The following IGSF10 variants were observed in gnomAD, a reference collection of about 807,000 sequenced individuals.
IGSF10 encodes calvaria mechanical force protein 608.
Under a neutral mutation model 128.2 loss-of-function variants are expected in IGSF10, and 126 were observed. That is an observed-to-expected ratio of 0.98 (90% CI 0.85 to 1.14). The LOEUF (loss-of-function observed/expected upper bound fraction) is 1.14. Among genes scored for constraint, IGSF10 ranks in the 50% most tolerant of loss-of-function variants. The pLI is 0.00. For missense variants in IGSF10, 3,295 were observed against 3,149.8 expected, an observed-to-expected ratio of 1.05 and a Z score of -1.10; for synonymous variants, 1,185 against 1,146.2, an observed-to-expected ratio of 1.03 and a Z score of -0.68.
the IGSF10 span, among the ~76,000 whole-genome samples, chr3:151,514,569 T>C: frequency 6.6e-6 from 1 of 152,206 alleles, no homozygotes; most frequent in East Asian, 1.9e-4. Context: ...AAGAACTTCA[T>C]GTCTAAAACA....
the IGSF10 span, among the ~76,000 whole-genome samples, chr3:151,619,684 C>G: frequency 2.0e-5 from 3 of 152,032 alleles, no homozygotes; most frequent in African/African-American, 4.8e-5. Flanking sequence ...TTGTTAGAGG[C>G]TTGATCCCCA....
At chr3:151,444,821 A>T in intron 6 of IGSF10, 98 bp downstream of exon 6, 3 of 1,164,844 alleles carry the variant, frequency 2.6e-6, no homozygotes, top group Non-Finnish European at 3.6e-6. Flanking sequence ...GAAAAATTTG[A>T]AACTGATACT....
Position 151,461,052 on chromosome 3 carries a change from G to GGGAA in IGSF10, c.-199_-196dup, listed in dbSNP as rs1227688862. The stretch of plus-strand genomic sequence containing the variant: ...GCGGAGCTGGTCCGGAGCTCTGGGA[G>GGGAA]GGAAGGAAGGAAGGCGGAGCGAGGG... On this transcript the variant is annotated 5_prime_UTR_variant, in exon 1 of 8. Coordinates refer to ENST00000282466, the MANE Select transcript of IGSF10 (RefSeq NM_178822.5). The GGGAA allele has an allele frequency of 4.1e-6, 4 of 985,252 alleles. No homozygotes were observed. Among genetic ancestry groups the GGGAA allele is most frequent in the South Asian group, 9.4e-5 (2 of 21,284 alleles). The allele number at this position is 985,252 out of a possible 1,614,324, so 61.0% of individuals were successfully genotyped here.
At chr3:151,596,125 T>C in the IGSF10 span, among the ~76,000 whole-genome samples, 7 of 152,178 alleles carry the variant, frequency 4.6e-5, no homozygotes, top group Non-Finnish European at 8.8e-5. Flanking sequence ...CCAAATGTGG[T>C]CATATGAATG....
chr3:151,445,743 C>A lies in IGSF10; in HGVS notation c.4238G>T (p.Arg1413Ile). 1 of 1,614,034 alleles carries A rather than the reference C, an allele frequency of 6.2e-7. No homozygotes were observed. The highest frequency in any genetic ancestry group is 8.5e-7 in the Non-Finnish European group (1 of 1,180,042). ...AATCACATCTGTCAGATTAAGAGTT[C>A]TTGAATGAAAACTGATTGTGCTTGA... ...GISSTISFHS[R>I]TLNLTDVIEE... Residue 1413 changes from arginine (R) to isoleucine (I), a missense_variant, in exon 6 of 8, where the codon AGA becomes ATA. Coordinates refer to ENST00000282466, the MANE Select transcript of IGSF10 (RefSeq NM_178822.5).
chr3:151,454,184 AT>A (rs1360481474), intron 4 of IGSF10, among the ~76,000 whole-genome samples: 7 of 151,830 alleles, frequency 4.6e-5, no homozygotes, highest in African/African-American at 1.7e-4. Context: ...TGCCCAGCTA[AT>A]TTTTGTAGTT....
At chr3:151,450,895 CAAAAAAAA>C (rs35070766) in intron 5 of IGSF10, among the ~76,000 whole-genome samples, 4 of 55,424 alleles carry the variant, frequency 7.2e-5, no homozygotes, top group African/African-American at 3.2e-4. Flanking sequence ...AACTCTGTCT[CAAAAAAAA>C]AAAAAAAAAA....
the IGSF10 span, among the ~76,000 whole-genome samples, chr3:151,551,964 T>C: frequency 6.6e-6 from 1 of 152,260 alleles, no homozygotes; most frequent in South Asian, 2.1e-4. Context: ...TCATAATCAC[T>C]CACTGCATGA....
rs868743591 is a variant in IGSF10, at chr3:151,446,841, G to A, written c.3140C>T (p.Ser1047Phe). ...TGAGAATGCAGTAGTGCTTTTTTCA[G>A]AAGAACCTCTGGTTGTTGACCTGAA... ...SIFRSTTRGS[S>F]EKSTTAFSAT... is the part of the protein sequence containing the mutation. The change falls in exon 6 of 8, where the codon TCT becomes TTT. Residue 1047 changes from serine to phenylalanine, a missense_variant. Transcript: ENST00000282466. 3.7e-6 allele frequency: 6 copies of A among 1,614,148 alleles called. No individual in the cohort carries two copies. Among genetic ancestry groups the A allele is most frequent in the Middle Eastern group, 1.6e-4 (1 of 6,062 alleles).
the IGSF10 span, among the ~76,000 whole-genome samples, chr3:151,514,613 T>A: frequency 4.6e-5 from 7 of 152,026 alleles, no homozygotes; most frequent in African/African-American, 9.7e-5. Flanking sequence ...CAAAATTGAC[T>A]AATGGGATCT....
At chr3:151,541,035 T>G in the IGSF10 span, among the ~76,000 whole-genome samples, 1 of 152,112 alleles carries the variant, frequency 6.6e-6, no homozygotes, top group East Asian at 1.9e-4. Flanking sequence ...CAGTTCCAGA[T>G]AGTGGAAATC....
In IGSF10 at chr3:151,445,827, G is replaced by C. The variant is rs770578800; in HGVS notation, c.4154C>G (p.Ser1385Ter). The C allele has an allele frequency of 6.9e-5, 112 of 1,614,222 alleles. 3 individuals carry two copies. In the South Asian group the frequency reaches 1.2e-3, roughly 17 times the overall value. Residue 1385 changes from serine to a stop codon, truncating the protein, a stop_gained, in exon 6 of 8, where the codon TCA (serine) becomes TGA (stop). Coordinates refer to ENST00000282466, the MANE Select transcript of IGSF10 (RefSeq NM_178822.5). LOFTEE classifies it high-confidence loss of function. The stretch of plus-strand genomic sequence containing the variant: ...GAATGCAGAGACACTGGGCTTGACT[G>C]AAGTTTCGGCTGTGGTTAGAACAGG... ...TPPVLTTAET[S>*]VKPSVSAFTH...
the IGSF10 span, among the ~76,000 whole-genome samples, chr3:151,467,740 C>T: frequency 0.043 from 6,534 of 151,746 alleles, 174 homozygotes; most frequent in East Asian, 0.077. Context: ...AAAAATTAGC[C>T]GGGCGAGGTG....
chr3:151,591,302 A>G, the IGSF10 span, among the ~76,000 whole-genome samples: 8 of 151,072 alleles, frequency 5.3e-5, no homozygotes, highest in Admixed American at 2.6e-4. Flanking sequence ...ATTCAAAAAT[A>G]TAAACATCTT....
chr3:151,593,128 A>T, the IGSF10 span, among the ~76,000 whole-genome samples: 72 of 152,224 alleles, frequency 4.7e-4, no homozygotes, highest in African/African-American at 1.7e-3. Context: ...CTAATTAATT[A>T]TTTTTTAATT....
At chr3:151,536,729 T>C in the IGSF10 span, among the ~76,000 whole-genome samples, 1 of 152,222 alleles carries the variant, frequency 6.6e-6, no homozygotes, top group South Asian at 2.1e-4. Context: ...TCTCTTTACT[T>C]TTCCCCTTAA....
At chr3:151,599,935 T>G in the IGSF10 span, among the ~76,000 whole-genome samples, 1 of 152,096 alleles carries the variant, frequency 6.6e-6, no homozygotes, top group Non-Finnish European at 1.5e-5. Context: ...CAAGTATGAG[T>G]GGCTGTCCAA....
chr3:151,440,704 A>G (rs889830923), intron 7 of IGSF10: 4 of 381,178 alleles, frequency 1.0e-5, no homozygotes, highest in Non-Finnish European at 2.2e-5. Flanking sequence ...GGAGTTTAAA[A>G]TAATAATGAT....
chr3:151,451,202 G>A (rs1721495546), intron 5 of IGSF10, among the ~76,000 whole-genome samples: 1 of 151,064 alleles, frequency 6.6e-6, no homozygotes, highest in Non-Finnish European at 1.5e-5. Context: ...ATGCCCCATT[G>A]GCTCTGGCAT....
Sources: allele counts gnomAD v4.1 joint callset (sites outside exome capture counted in the v4.1 genomes callset), GRCh38; gene constraint gnomAD v4.1.1; transcripts MANE v1.5; gene names NCBI Gene and HGNC (gene_info 2026-07-23, HGNC 2026-07-21).